PTPRQ: variants seen among roughly 807,000 people sequenced by gnomAD.
PTPRQ encodes protein tyrosine phosphatase receptor type Q.
Under a neutral mutation model 246.0 loss-of-function variants are expected in PTPRQ, and 199 were observed. That is an observed-to-expected ratio of 0.81 (90% CI 0.72 to 0.91). PTPRQ has a LOEUF of 0.91. Among genes scored for constraint, PTPRQ ranks in the 40% least tolerant of loss-of-function variants. PTPRQ has a pLI of 0.00. For missense variants in PTPRQ, 2,624 were observed against 2,528.4 expected, an observed-to-expected ratio of 1.04 and a Z score of -0.81; for synonymous variants, 869 against 853.2, an observed-to-expected ratio of 1.02 and a Z score of -0.32.
intron 26 of PTPRQ, among the ~76,000 whole-genome samples, chr12:80,598,264 ATAAAATGATAGGAAATATTTCC>A: frequency 6.6e-6 from 1 of 152,114 alleles, no homozygotes; most frequent in Non-Finnish European, 1.5e-5. Flanking sequence ...TTAACATCTC[ATAAAATGATAGGAAATATTTCC>A]TACACTGACA....
Position 80,524,689 on chromosome 12 carries a change from C to T in PTPRQ, c.2679-9326C>T, listed in dbSNP as rs548910190. Among the ~76,000 whole-genome samples the T allele has an allele frequency of 4.6e-5, 7 of 152,164 alleles. No homozygotes were observed. The East Asian group carries it at 1.4e-3, about 29-fold the overall frequency. On this transcript the variant is annotated intron_variant, in intron 17 of 44. Transcript: ENST00000644991. ...CCGTGTACTAGTTACCATTTTGAGA[C>T]AAATGTTTCTTACATATTTTTTTCT...
At chr12:80,500,266 C>T (rs1227469127) in intron 14 of PTPRQ, among the ~76,000 whole-genome samples, 2 of 151,734 alleles carry the variant, frequency 1.3e-5, no homozygotes, top group Admixed American at 6.6e-5. Flanking sequence ...CCTTTTTATC[C>T]ATCAGTTATC....
intron 8 of PTPRQ, among the ~76,000 whole-genome samples, chr12:80,477,772 G>C (rs573635399): frequency 2.0e-5 from 3 of 152,240 alleles, no homozygotes; most frequent in Admixed American, 1.3e-4. Context: ...GGTGATGGAC[G>C]GCACCTGGAA....
At chr12:80,597,415 GA>G (rs1488219818) in intron 26 of PTPRQ, among the ~76,000 whole-genome samples, 1 of 151,922 alleles carries the variant, frequency 6.6e-6, no homozygotes, top group Non-Finnish European at 1.5e-5. Context: ...AAAACTTTGG[GA>G]ATTGGAGGAA....
At chr12:80,635,204 T>G in intron 35 of PTPRQ, 131 bp downstream of exon 35, 3 of 1,359,982 alleles carry the variant, frequency 2.2e-6, no homozygotes, top group Non-Finnish European at 2.9e-6. Flanking sequence ...TTTCAAAGAG[T>G]GACCTCCGTC....
intron 9 of PTPRQ, among the ~76,000 whole-genome samples, chr12:80,493,039 C>G (rs1158748258): frequency 6.6e-6 from 1 of 151,856 alleles, no homozygotes; most frequent in Admixed American, 6.6e-5. Flanking sequence ...TGTTTCTTCC[C>G]AAAATACAGT....
rs1301355869 is a variant in PTPRQ, at chr12:80,468,681, T to C, written c.911-29T>C. 6 of 1,505,542 alleles carry C rather than the reference T, an allele frequency of 4.0e-6. No homozygotes were observed. In the East Asian group the frequency reaches 1.5e-4, roughly 38 times the overall value. 93.3% of individuals were successfully genotyped at this position (1,505,542 alleles called of 1,614,324 possible). Reference sequence around the variant, plus strand: ...GTGCGCTTTCATTTTAAATATATGTTATGTATTTATTTTCTATAATTATTT... The same window carrying C: ...GTGCGCTTTCATTTTAAATATATGTCATGTATTTATTTTCTATAATTATTT... On this transcript the variant is annotated intron_variant, in intron 6 of 44. Coordinates refer to ENST00000644991, the MANE Select transcript of PTPRQ (RefSeq NM_001145026.2).
At chr12:80,488,587 G>A (rs1392712622) in intron 9 of PTPRQ, among the ~76,000 whole-genome samples, 1 of 151,980 alleles carries the variant, frequency 6.6e-6, no homozygotes, top group Non-Finnish European at 1.5e-5. Context: ...AAACAGGAGT[G>A]GTTTAAAGTG....
In PTPRQ at chr12:80,495,290, C is replaced by T. The variant is rs1214704840; in HGVS notation, c.1801C>T (p.His601Tyr). 6.5e-7 allele frequency: 1 copy of T among 1,546,298 alleles called. No homozygotes were observed. Among genetic ancestry groups the T allele is most frequent in the Non-Finnish European group, 8.7e-7 (1 of 1,145,298 alleles). ...PPEYPNGKIT[H>Y]YTIYAMELDT... ...AGAATATCCCAATGGAAAAATAACTCACTATACGATTTATGCAATGGAATT... is the reference window on the plus strand; with the variant it reads ...AGAATATCCCAATGGAAAAATAACTTACTATACGATTTATGCAATGGAATT... Residue 601 changes from histidine to tyrosine, a missense_variant, in exon 12 of 45, where the codon CAC (histidine) becomes TAC (tyrosine). Transcript: ENST00000644991.
chr12:80,458,393 T>C (rs1020587143), intron 4 of PTPRQ, among the ~76,000 whole-genome samples: 2 of 152,138 alleles, frequency 1.3e-5, no homozygotes, highest in African/African-American at 4.8e-5. Context: ...ATATCATTCA[T>C]ATAGACCTCC....
intron 25 of PTPRQ, among the ~76,000 whole-genome samples, chr12:80,568,422 G>T (rs888874567): frequency 6.6e-6 from 1 of 152,116 alleles, no homozygotes; most frequent in Non-Finnish European, 1.5e-5. Context: ...ATCAGCAAGA[G>T]TTCTCTTGGT....
chr12:80,575,415 G>A (rs963169738), intron 25 of PTPRQ, among the ~76,000 whole-genome samples: 1 of 151,660 alleles, frequency 6.6e-6, no homozygotes. Context: ...GCGAGATCCC[G>A]TTAGTACAAA....
At chr12:80,592,429 T>C (rs1897829486) in intron 26 of PTPRQ, among the ~76,000 whole-genome samples, 1 of 152,142 alleles carries the variant, frequency 6.6e-6, no homozygotes, top group Non-Finnish European at 1.5e-5. Context: ...AAATAAAAGT[T>C]CTATTTATTA....
chr12:80,658,373 A>G (rs924831999), intron 39 of PTPRQ, among the ~76,000 whole-genome samples: 4 of 152,068 alleles, frequency 2.6e-5, no homozygotes, highest in African/African-American at 4.8e-5. Context: ...AAGTTTGCCA[A>G]TCTCTGTGAA....
At chr12:80,613,859 A>G (rs1287168796) in intron 29 of PTPRQ, 23 bp downstream of exon 29, 1 of 1,471,142 alleles carries the variant, frequency 6.8e-7, no homozygotes, top group African/African-American at 1.5e-5. Flanking sequence ...AGCTTCAGTT[A>G]ATTACCCAAA....
intron 17 of PTPRQ, among the ~76,000 whole-genome samples, chr12:80,528,749 A>T (rs1895762347): frequency 6.6e-6 from 1 of 152,180 alleles, no homozygotes; most frequent in Non-Finnish European, 1.5e-5. Flanking sequence ...CAGAGGATGA[A>T]ATCTCTCTCT....
At chr12:80,470,952 T>C (rs1474962085) in intron 7 of PTPRQ, among the ~76,000 whole-genome samples, 1 of 152,170 alleles carries the variant, frequency 6.6e-6, no homozygotes, top group Non-Finnish European at 1.5e-5. Context: ...TCTGAAAAAC[T>C]AGATTATTTA....
Position 80,679,203 on chromosome 12 carries a change from T to TA in PTPRQ, c.*182dup. The TA allele has an allele frequency of 1.7e-6, 1 of 601,166 alleles. No homozygotes were observed. The highest frequency in any genetic ancestry group is 2.5e-6 in the Non-Finnish European group (1 of 392,504). The allele number at this position is 601,166 out of a possible 1,614,324, so 37.2% of individuals were successfully genotyped here. A position where few individuals can be genotyped will look rare whatever the true frequency, so the allele number is the denominator to read the frequency against. On this transcript the variant is annotated 3_prime_UTR_variant, in exon 45 of 45. Coordinates refer to ENST00000644991, the MANE Select transcript of PTPRQ (RefSeq NM_001145026.2). The stretch of plus-strand genomic sequence containing the variant: ...GTTCTTGAAAATAGCTAATACAGAA[T>TA]AATTATTTGTTTTGTACAGAATAAA...
intron 3 of PTPRQ, among the ~76,000 whole-genome samples, chr12:80,449,227 T>C (rs1404187972): frequency 3.3e-5 from 5 of 151,436 alleles, no homozygotes; most frequent in Non-Finnish European, 5.9e-5. Context: ...GGGTTGTTTG[T>C]TTTTTTCTTG....
Sources: allele counts gnomAD v4.1 joint callset (sites outside exome capture counted in the v4.1 genomes callset), GRCh38; gene constraint gnomAD v4.1.1; transcripts MANE v1.5; gene names NCBI Gene and HGNC (gene_info 2026-07-23, HGNC 2026-07-21).